The following PBX1 variants were observed in gnomAD, a reference collection of about 807,000 sequenced individuals.
PBX1 encodes the protein PBX homeobox 1.
Under a neutral mutation model 53.4 loss-of-function variants are expected in PBX1, and 6 were observed. That is an observed-to-expected ratio of 0.11 (90% CI 0.06 to 0.22). PBX1 has a LOEUF of 0.22. Among genes scored for constraint, PBX1 ranks in the 10% least tolerant of loss-of-function variants. PBX1 has a pLI of 1.00. For missense variants in PBX1, 251 were observed against 551.4 expected (o/e 0.46, Z 5.46); for synonymous variants, 204 against 212.3 (o/e 0.96, Z 0.34).
intron 2 of PBX1, among the ~76,000 whole-genome samples, chr1:164,589,023 T>C (rs1166652653): frequency 6.6e-6 from 1 of 151,884 alleles, no homozygotes; most frequent in African/African-American, 2.4e-5. Flanking sequence ...CGATGAAGGG[T>C]TCATCCAAAG....
At chr1:164,883,051 T>C (rs1002114033) in intron 2 of PBX1, among the ~76,000 whole-genome samples, 2 of 152,170 alleles carry the variant, frequency 1.3e-5, no homozygotes, top group African/African-American at 4.8e-5. Context: ...ACTGAAATAA[T>C]TGGTTTAAAA....
intron 2 of PBX1, among the ~76,000 whole-genome samples, chr1:164,597,826 A>G (rs1571301608): frequency 6.6e-6 from 1 of 152,148 alleles, no homozygotes; most frequent in Non-Finnish European, 1.5e-5. Flanking sequence ...TAAAAATTAA[A>G]TAAATAATTA....
At chr1:164,660,392 C>T (rs1186289819) in intron 2 of PBX1, among the ~76,000 whole-genome samples, 2 of 152,190 alleles carry the variant, frequency 1.3e-5, no homozygotes, top group Non-Finnish European at 2.9e-5. Flanking sequence ...GTCTCAGCTG[C>T]AGCTGACATG....
At chr1:164,853,222 CT>C (rs1477593022), downstream of PBX1, among the ~76,000 whole-genome samples, 1 of 152,132 alleles carries the variant, frequency 6.6e-6, no homozygotes, top group Non-Finnish European at 1.5e-5. Context: ...TCTTGAAAGC[CT>C]TGACCAAGAC....
intron 2 of PBX1, among the ~76,000 whole-genome samples, chr1:164,741,907 A>G (rs553506652): frequency 1.3e-5 from 2 of 151,778 alleles, no homozygotes; most frequent in Admixed American, 6.5e-5. Flanking sequence ...CAATGGTTTA[A>G]TTTTTTTAAG....
chr1:164,818,818 AAGT>A (rs1670004193), intron 6 of PBX1: 1 of 146,652 alleles, frequency 6.8e-6, no homozygotes, highest in African/African-American at 2.5e-5. Context: ...GGGGGAAAAA[AAGT>A]CCTCTCTTCT....
intron 8 of PBX1, among the ~76,000 whole-genome samples, chr1:164,827,604 G>C (rs1270583238): frequency 6.6e-6 from 1 of 152,022 alleles, no homozygotes; most frequent in Non-Finnish European, 1.5e-5. Context: ...CTTCTTATAG[G>C]GCCTTTAAAC....
chr1:164,885,564 G>A (rs1355958647), intron 2 of PBX1, among the ~76,000 whole-genome samples: 1 of 152,166 alleles, frequency 6.6e-6, no homozygotes, highest in African/African-American at 2.4e-5. Context: ...CTGGGCAGGT[G>A]TGTGGTACAC....
intron 2 of PBX1, among the ~76,000 whole-genome samples, chr1:164,652,630 C>T (rs912514798): frequency 2.0e-5 from 3 of 152,174 alleles, no homozygotes; most frequent in Non-Finnish European, 4.4e-5. Flanking sequence ...CACTAAACTT[C>T]CTAGATTTTT....
At chr1:164,663,680 A>G (rs1008694899) in intron 2 of PBX1, among the ~76,000 whole-genome samples, 5 of 152,252 alleles carry the variant, frequency 3.3e-5, no homozygotes, top group African/African-American at 7.2e-5. Context: ...GTGCTCCTCA[A>G]TGTATTGCTC....
At chr1:164,784,014 C>T (rs954848367) in intron 2 of PBX1, among the ~76,000 whole-genome samples, 6 of 152,130 alleles carry the variant, frequency 3.9e-5, no homozygotes, top group Non-Finnish European at 7.4e-5. Flanking sequence ...AGCAAGTTGC[C>T]GACCAATGGC....
intron 2 of PBX1, among the ~76,000 whole-genome samples, chr1:164,608,426 A>C (rs545981425): frequency 6.6e-6 from 1 of 152,294 alleles, no homozygotes; most frequent in Non-Finnish European, 1.5e-5. Context: ...ACTGGTTAAC[A>C]CAAAGTCTCT....
intron 2 of PBX1, among the ~76,000 whole-genome samples, chr1:164,643,400 G>GA (rs1166388550): frequency 7.9e-5 from 12 of 152,186 alleles, no homozygotes; most frequent in African/African-American, 2.7e-4. Context: ...AAGAAGATGG[G>GA]AAAACTTGGT....
chr1:164,833,113 A>G (rs1457150579), intron 8 of PBX1, among the ~76,000 whole-genome samples: 1 of 152,146 alleles, frequency 6.6e-6, no homozygotes, highest in African/African-American at 2.4e-5. Flanking sequence ...TATTAAAATA[A>G]TTAGGAATTT....
chr1:164,837,001 C>T (rs770682011), intron 8 of PBX1, among the ~76,000 whole-genome samples: 2 of 152,166 alleles, frequency 1.3e-5, no homozygotes, highest in Non-Finnish European at 2.9e-5. Flanking sequence ...GGCTCAGTGT[C>T]TCTCTTTACA....
chr1:164,849,182 A>T lies in PBX1; in HGVS notation c.*2506A>T. 1 of 1,428,110 alleles carries T rather than the reference A, an allele frequency of 7.0e-7. No homozygotes were observed. The highest frequency in any genetic ancestry group is 9.2e-7 in the Non-Finnish European group (1 of 1,089,080). The allele number at this position is 1,428,110 out of a possible 1,614,324, so 88.5% of individuals were successfully genotyped here. On this transcript the variant is annotated 3_prime_UTR_variant, in exon 9 of 9. Transcript: ENST00000420696. The stretch of plus-strand genomic sequence containing the variant: ...TTGGAAACAAGAAGAGTGACTCCAG[A>T]TGTGGCCTGAATAATTGCCATGTTA...
chr1:164,697,979 C>G (rs1175093837), intron 2 of PBX1, among the ~76,000 whole-genome samples: 1 of 152,162 alleles, frequency 6.6e-6, no homozygotes, highest in African/African-American at 2.4e-5. Context: ...CTTTTTGTCT[C>G]ACTTACCCCT....
chr1:164,734,161 G>A (rs918522556), intron 2 of PBX1, among the ~76,000 whole-genome samples: 5 of 152,136 alleles, frequency 3.3e-5, no homozygotes, highest in Non-Finnish European at 7.4e-5. Flanking sequence ...TTTCAAATAC[G>A]TTGGATCCTA....
chr1:164,642,116 A>G (rs1466597555), intron 2 of PBX1: 1 of 152,112 alleles, frequency 6.6e-6, no homozygotes, highest in Non-Finnish European at 1.5e-5. Flanking sequence ...CCCCATCTCT[A>G]GTACTGTTTA....
Sources: allele counts gnomAD v4.1 joint callset (sites outside exome capture counted in the v4.1 genomes callset), GRCh38; gene constraint gnomAD v4.1.1; transcripts MANE v1.5; gene names NCBI Gene and HGNC (gene_info 2026-07-23, HGNC 2026-07-21).